Variants in GABRB1 observed in about 807,000 individuals in gnomAD.
GABRB1 encodes the protein gamma-aminobutyric acid type A receptor subunit beta1.
A neutral mutation model predicts 51.6 loss-of-function variants in GABRB1; 17 were observed. The ratio of observed to expected loss-of-function variants is 0.33; its 90% CI spans 0.23 to 0.49. The LOEUF is 0.49. GABRB1 is among the 20% of genes least tolerant of loss of function. GABRB1 has a pLI of 0.99. For missense variants in GABRB1, 410 were observed against 600.6 expected, an observed-to-expected ratio of 0.68 and a Z score of 3.32; for synonymous variants, 247 against 218.9, an observed-to-expected ratio of 1.13 and a Z score of -1.14.
chr4:47,160,254 C>G (rs977348694), intron 3 of GABRB1, among the ~76,000 whole-genome samples: 2 of 152,084 alleles, frequency 1.3e-5, no homozygotes, highest in African/African-American at 4.8e-5. Flanking sequence ...AGATCAATTT[C>G]AACTCTGAAT....
At chr4:47,224,597 A>C (rs897577520) in intron 4 of GABRB1, among the ~76,000 whole-genome samples, 6 of 152,154 alleles carry the variant, frequency 3.9e-5, no homozygotes, top group African/African-American at 1.4e-4. Context: ...GAATTTGATC[A>C]GATAGCAAGG....
intron 4 of GABRB1, among the ~76,000 whole-genome samples, chr4:47,254,342 G>T (rs1289563391): frequency 7.0e-6 from 1 of 141,962 alleles, no homozygotes; most frequent in African/African-American, 2.7e-5. Context: ...ATACATGGTG[G>T]ATGATGTTTC....
intron 4 of GABRB1, among the ~76,000 whole-genome samples, chr4:47,223,980 C>T (rs1267229995): frequency 6.6e-6 from 1 of 151,936 alleles, no homozygotes; most frequent in African/African-American, 2.4e-5. Flanking sequence ...TTTTATTTTC[C>T]ATACAATTGC....
chr4:47,165,615 T>C (rs1360905938), intron 4 of GABRB1, among the ~76,000 whole-genome samples: 1 of 152,162 alleles, frequency 6.6e-6, no homozygotes, highest in South Asian at 2.1e-4. Flanking sequence ...TGTCTTTTTG[T>C]TATTTCATTA....
In GABRB1 at chr4:46,997,054, G is replaced by A. The variant is rs114503916; in HGVS notation, c.-20+3128G>A. On this transcript the variant is annotated intron_variant, in intron 1 of 3. Transcript: ENST00000513567. ...TTCTCTGTCCCTCGTATTTTGCATA[G>A]GTGGGAAGAATTGATTTAATAGTCT... is the stretch of plus-strand genomic sequence containing the variant. Among the ~76,000 whole-genome samples the A allele has an allele frequency of 4.1e-3, 620 of 152,148 alleles. 3 individuals carry two copies. The highest frequency in any genetic ancestry group is 7.0e-3 in the Non-Finnish European group (473 of 67,944).
intron 4 of GABRB1, among the ~76,000 whole-genome samples, chr4:47,294,616 G>C (rs1723892406): frequency 1.3e-5 from 2 of 152,262 alleles, no homozygotes; most frequent in South Asian, 4.1e-4. Context: ...CTCGAATTGG[G>C]TGGAGCCCAC....
intron 1 of GABRB1, among the ~76,000 whole-genome samples, chr4:47,005,374 A>G (rs558797620): frequency 3.5e-4 from 53 of 152,258 alleles, no homozygotes; most frequent in Non-Finnish European, 6.9e-4. Context: ...GCTGAGATCC[A>G]GCCATCGCAC....
chr4:47,352,968 G>A (rs192004969), intron 5 of GABRB1, among the ~76,000 whole-genome samples: 17 of 152,332 alleles, frequency 1.1e-4, no homozygotes, highest in African/African-American at 2.9e-4. Flanking sequence ...GGAAGACAAA[G>A]AGGTTTAATT....
chr4:47,365,370 ATTAG>A (rs1726941654), intron 5 of GABRB1, among the ~76,000 whole-genome samples: 1 of 152,150 alleles, frequency 6.6e-6, no homozygotes, highest in Non-Finnish European at 1.5e-5. Context: ...TCATTCATTT[ATTAG>A]TTAATTACCA....
chr4:47,134,346 T>C (rs1052764933), intron 3 of GABRB1, among the ~76,000 whole-genome samples: 6 of 152,096 alleles, frequency 3.9e-5, no homozygotes, highest in African/African-American at 1.4e-4. Flanking sequence ...GAGAGAAGTA[T>C]ATCACATAAA....
intron 3 of GABRB1, among the ~76,000 whole-genome samples, chr4:47,104,355 TTATGTC>T (rs1396099125): frequency 2.0e-5 from 3 of 151,888 alleles, no homozygotes; most frequent in Non-Finnish European, 4.4e-5. Context: ...GTGAATCAAT[TTATGTC>T]TATATTTTAT....
intron 3 of GABRB1, among the ~76,000 whole-genome samples, chr4:47,079,860 AG>A (rs1258730673): frequency 1.1e-4 from 7 of 66,446 alleles, no homozygotes; most frequent in African/African-American, 4.5e-4. Context: ...GGGTGGGGGG[AG>A]GGGGGAGGGA....
At chr4:47,016,360 C>T (rs1284293031) in intron 1 of GABRB1, among the ~76,000 whole-genome samples, 1 of 152,060 alleles carries the variant, frequency 6.6e-6, no homozygotes, top group Non-Finnish European at 1.5e-5. Context: ...TTTTTCTTTC[C>T]TGTCATTAAG....
rs373937181 is a variant in GABRB1, at chr4:46,994,483, TGAGA to T, written c.-20+574_-20+577del. On this transcript the variant is annotated intron_variant, in intron 1 of 3. Coordinates refer to the GABRB1 transcript ENST00000513567. Reference sequence around the variant, plus strand: ...GAAAATGTGTGTGTGTGTGTGTGTGTGAGAGAGAGAGAGAGAGAGACAGAGAGAG... The same window carrying T: ...GAAAATGTGTGTGTGTGTGTGTGTGTGAGAGAGAGAGAGAGACAGAGAGAG... The T allele has an allele frequency of 7.8e-3, 1,101 of 141,332 alleles. 14 individuals carry two copies. The highest frequency in any genetic ancestry group is 0.026 in the African/African-American group (987 of 38,084). The allele number at this position is 141,332 out of a possible 1,614,324, so 8.8% of individuals were successfully genotyped here.
At chr4:47,392,345 T>TC (rs1728028236) in intron 5 of GABRB1, among the ~76,000 whole-genome samples, 1 of 150,182 alleles carries the variant, frequency 6.7e-6, no homozygotes, top group Admixed American at 6.6e-5. Flanking sequence ...CACCTTTTTT[T>TC]TTTTTTTTTT....
At chr4:47,069,589 T>A (rs1041268230) in intron 3 of GABRB1, among the ~76,000 whole-genome samples, 5 of 152,132 alleles carry the variant, frequency 3.3e-5, no homozygotes, top group Non-Finnish European at 7.4e-5. Context: ...GGAACCACAC[T>A]CTCTCCAGCC....
At position 47,161,414 on chromosome 4, in the gene GABRB1, G is replaced by A. The variant is rs1349038527; in HGVS notation, c.406G>A (p.Val136Met). The change falls in exon 4 of 9, where the codon GTG (valine) becomes ATG (methionine). Residue 136 changes from valine (V) to methionine (M), a missense_variant. Val to Met is a conservative substitution (Grantham distance 21). Transcript: ENST00000295454. The stretch of plus-strand genomic sequence containing the variant: ...GAAATCATTTGTGCATGGGGTCACA[G>A]TGAAAAATCGAATGATTCGACTGCA... ...DKKSFVHGVT[V>M]KNRMIRLHPD... 2 of 1,612,724 alleles carry A rather than the reference G, an allele frequency of 1.2e-6. No individual in the cohort carries two copies. The highest frequency in any genetic ancestry group is 1.7e-5 in the Admixed American group (1 of 59,858).
chr4:47,166,093 A>G (rs926789295), intron 4 of GABRB1, among the ~76,000 whole-genome samples: 5 of 152,032 alleles, frequency 3.3e-5, no homozygotes, highest in Non-Finnish European at 4.4e-5. Context: ...AGAAAAAAAA[A>G]TGGTTCCTCT....
chr4:47,021,527 G>A (rs999737925), intron 1 of GABRB1, among the ~76,000 whole-genome samples: 1 of 152,034 alleles, frequency 6.6e-6, no homozygotes, highest in African/African-American at 2.4e-5. Flanking sequence ...CTGTGCTTTC[G>A]GATCCTCTGC....
Sources: gnomAD v4.1 joint callset for allele counts (sites outside exome capture counted in the v4.1 genomes callset) on GRCh38, gnomAD v4.1.1 for gene constraint, MANE v1.5 for transcripts, NCBI Gene and HGNC (gene_info 2026-07-23, HGNC 2026-07-21) for gene names.